Variants in FANCC observed in about 807,000 individuals in gnomAD.
FANCC encodes FA complementation group C.
Under a neutral mutation model 71.3 loss-of-function variants are expected in FANCC, and 55 were observed. The ratio of observed to expected loss-of-function variants is 0.77; its 90% CI spans 0.62 to 0.97. The LOEUF (loss-of-function observed/expected upper bound fraction) is 0.97, where lower values mean the gene tolerates loss of function less well. Ranked by LOEUF, FANCC falls within the 50% of genes least tolerant of loss-of-function variation. The pLI, the probability that FANCC is intolerant of heterozygous loss-of-function variation, is 0.00. For synonymous variants in FANCC, 275 were observed against 244.9 expected (o/e 1.12, Z -1.15); for missense variants, 678 against 670.9 (o/e 1.01, Z -0.12).
chr9:95,219,809 G>A (rs940742191), intron 4 of FANCC, among the ~76,000 whole-genome samples: 1 of 152,078 alleles, frequency 6.6e-6, no homozygotes, highest in Non-Finnish European at 1.5e-5. Flanking sequence ...GCATGGACAA[G>A]GACTTCATGA....
chr9:95,283,437 C>T (rs1475745968), intron 1 of FANCC, among the ~76,000 whole-genome samples: 4 of 152,180 alleles, frequency 2.6e-5, no homozygotes, highest in South Asian at 4.1e-4. Context: ...TTCAAGATGG[C>T]GCACAGGACC....
intron 1 of FANCC, among the ~76,000 whole-genome samples, chr9:95,315,250 C>A (rs965276392): frequency 2.0e-5 from 3 of 152,178 alleles, no homozygotes; most frequent in Non-Finnish European, 2.9e-5. Flanking sequence ...TTTCCAGACA[C>A]GGTCTCAGTC....
intron 4 of FANCC, among the ~76,000 whole-genome samples, chr9:95,200,507 G>A (rs1040308787): frequency 6.6e-6 from 1 of 152,130 alleles, no homozygotes; most frequent in African/African-American, 2.4e-5. Flanking sequence ...AGCTGTTTAC[G>A]GGAGAGTGGC....
In FANCC at chr9:95,101,576, G is replaced by T; in HGVS notation, c.*131C>A. On this transcript the variant is annotated 3_prime_UTR_variant, in exon 15 of 15. Transcript: ENST00000289081. ...AGATACTAGCAGATTGTCCCAAGATGTGTACAGCTCATTCTCACAGCCCAG... is the reference window on the plus strand; with the variant it reads ...AGATACTAGCAGATTGTCCCAAGATTTGTACAGCTCATTCTCACAGCCCAG... 9.2e-7 allele frequency: 1 copy of T among 1,090,322 alleles called. No homozygotes were observed. Among genetic ancestry groups the T allele is most frequent in the Non-Finnish European group, 1.4e-6 (1 of 738,970 alleles). The allele number at this position is 1,090,322 out of a possible 1,614,324, so 67.5% of individuals were successfully genotyped here.
chr9:95,182,251 T>G (rs60306328), intron 4 of FANCC, among the ~76,000 whole-genome samples: 3,300 of 149,270 alleles, frequency 0.022, 117 homozygotes, highest in African/African-American at 0.077. Context: ...CCAGGCGTGG[T>G]GGCTCACGCC....
intron 4 of FANCC, among the ~76,000 whole-genome samples, chr9:95,175,804 C>G (rs1364162322): frequency 6.6e-6 from 1 of 152,234 alleles, no homozygotes; most frequent in Non-Finnish European, 1.5e-5. Context: ...TGCAGGTGTT[C>G]TGGGAAAAGG....
chr9:95,186,859 T>G (rs533440398), intron 4 of FANCC, among the ~76,000 whole-genome samples: 20 of 150,752 alleles, frequency 1.3e-4, no homozygotes, highest in African/African-American at 4.6e-4. Flanking sequence ...TGGCGTGATC[T>G]CAGCTCATAG....
chr9:95,282,974 A>G lies in FANCC; in HGVS notation c.-78-33605T>C, dbSNP rs60045163. ...TATAGCAATAAATGCCAACTCTCAA[A>G]AATAACCCAAAGCCCAAACTTTGAG... On this transcript the variant is annotated intron_variant, in intron 1 of 14. Coordinates refer to ENST00000289081, the MANE Select transcript of FANCC (RefSeq NM_000136.3). Among the ~76,000 whole-genome samples the G allele has an allele frequency of 3.9e-5, 6 of 152,378 alleles. No individual in the cohort carries two copies. In the East Asian group the frequency reaches 1.2e-3, roughly 29 times the overall value.
chr9:95,181,898 C>A (rs992512021), intron 4 of FANCC, among the ~76,000 whole-genome samples: 1 of 152,172 alleles, frequency 6.6e-6, no homozygotes, highest in Non-Finnish European at 1.5e-5. Context: ...GAGGGAAATC[C>A]ACTGCCCTTG....
intron 4 of FANCC, among the ~76,000 whole-genome samples, chr9:95,218,146 A>G (rs1227757969): frequency 2.6e-5 from 4 of 152,208 alleles, no homozygotes; most frequent in Non-Finnish European, 4.4e-5. Flanking sequence ...TTCACTAGTG[A>G]CTTCAATTAA....
chr9:95,151,071 G>A (rs1368863856), intron 6 of FANCC, among the ~76,000 whole-genome samples: 1 of 152,224 alleles, frequency 6.6e-6, no homozygotes, highest in African/African-American at 2.4e-5. Flanking sequence ...TTTACAGGAT[G>A]TGCCTGGGAC....
At chr9:95,314,273 C>G (rs1012520309) in intron 1 of FANCC, among the ~76,000 whole-genome samples, 1 of 152,232 alleles carries the variant, frequency 6.6e-6, no homozygotes. Context: ...TGTTTATATA[C>G]TGACAACAAT....
chr9:95,123,641 A>G (rs1284997954), intron 10 of FANCC: 1 of 617,392 alleles, frequency 1.6e-6, no homozygotes, highest in East Asian at 3.6e-5. Flanking sequence ...CAAATTCATC[A>G]TTGGAAACAC....
chr9:95,134,226 C>T (rs1337980655), intron 8 of FANCC, among the ~76,000 whole-genome samples: 1 of 152,146 alleles, frequency 6.6e-6, no homozygotes, highest in Non-Finnish European at 1.5e-5. Flanking sequence ...GCAACTGATT[C>T]CATTAGGATT....
At chr9:95,262,939 G>C (rs1412280202) in intron 1 of FANCC, among the ~76,000 whole-genome samples, 1 of 152,194 alleles carries the variant, frequency 6.6e-6, no homozygotes, top group Non-Finnish European at 1.5e-5. Flanking sequence ...TAATTCATGA[G>C]GGGAGACAGT....
At chr9:95,133,570 G>C (rs1827222836) in intron 8 of FANCC, among the ~76,000 whole-genome samples, 1 of 152,212 alleles carries the variant, frequency 6.6e-6, no homozygotes, top group Admixed American at 6.5e-5. Context: ...TCACCACAGT[G>C]CTGCTCAGGC....
At chr9:95,247,808 GC>G (rs1831086216) in intron 2 of FANCC, among the ~76,000 whole-genome samples, 1 of 152,098 alleles carries the variant, frequency 6.6e-6, no homozygotes. Flanking sequence ...GTCAGTAAAG[GC>G]TACTTTATTT....
At chr9:95,207,198 G>A (rs1828185947) in intron 4 of FANCC, among the ~76,000 whole-genome samples, 1 of 151,894 alleles carries the variant, frequency 6.6e-6, no homozygotes, top group African/African-American at 2.4e-5. Context: ...GGGGCAAGTG[G>A]GTGAACTCAC....
intron 4 of FANCC, among the ~76,000 whole-genome samples, chr9:95,193,537 G>A (rs1827237305): frequency 6.6e-6 from 1 of 152,062 alleles, no homozygotes; most frequent in Non-Finnish European, 1.5e-5. Context: ...ATTGGGGAGG[G>A]GAGCACTAAA....
Sources: gnomAD v4.1 joint callset for allele counts (sites outside exome capture counted in the v4.1 genomes callset) on GRCh38, gnomAD v4.1.1 for gene constraint, MANE v1.5 for transcripts, NCBI Gene and HGNC (gene_info 2026-07-23, HGNC 2026-07-21) for gene names.